Variants in ANKFN1 observed in about 807,000 individuals in gnomAD.
ANKFN1 encodes the protein ankyrin repeat and fibronectin type-III domain-containing protein 1.
In ANKFN1, 74 loss-of-function variants were observed where a neutral mutation model predicts 108.7. The ratio of observed to expected loss-of-function variants is 0.68; its 90% CI spans 0.56 to 0.83. The LOEUF (loss-of-function observed/expected upper bound fraction) is 0.83. Ranked by LOEUF, ANKFN1 falls within the 40% of genes least tolerant of loss-of-function variation. The pLI, the probability that ANKFN1 is intolerant of heterozygous loss-of-function variation, is 0.00. For synonymous variants in ANKFN1, 547 were observed against 516.2 expected, an observed-to-expected ratio of 1.06 and a Z score of -0.81; for missense variants, 1,505 against 1,382.3, an observed-to-expected ratio of 1.09 and a Z score of -1.41.
intron 1 of ANKFN1, among the ~76,000 whole-genome samples, chr17:56,169,117 C>T (rs1217022560): frequency 2.0e-5 from 3 of 152,138 alleles, no homozygotes; most frequent in Admixed American, 6.5e-5. Flanking sequence ...CAGAAATCAT[C>T]TGAAGGCCTG....
intron 8 of ANKFN1, among the ~76,000 whole-genome samples, chr17:56,436,755 G>A (rs367919062): frequency 1.5e-4 from 23 of 151,802 alleles, no homozygotes; most frequent in East Asian, 3.9e-4. Context: ...ACTTGTACCC[G>A]GGAGGCGGAG....
chr17:56,157,645 A>G (rs1413292176), intron 1 of ANKFN1, among the ~76,000 whole-genome samples: 1 of 152,186 alleles, frequency 6.6e-6, no homozygotes, highest in African/African-American at 2.4e-5. Flanking sequence ...TGGATTTCCA[A>G]GTTCCCATTG....
intron 1 of ANKFN1, among the ~76,000 whole-genome samples, chr17:56,160,998 T>C (rs942867780): frequency 1.3e-5 from 2 of 152,186 alleles, no homozygotes; most frequent in Non-Finnish European, 2.9e-5. Context: ...GAGGGCTCTT[T>C]TGGCCTCTAA....
intron 8 of ANKFN1, among the ~76,000 whole-genome samples, chr17:56,428,098 G>A (rs540926771): frequency 3.9e-5 from 6 of 152,118 alleles, no homozygotes; most frequent in Admixed American, 3.9e-4. Flanking sequence ...GCCAGGCATG[G>A]TGGCGGGCAC....
At position 56,139,111 on chromosome 17, in the gene ANKFN1, G is replaced by A. The variant is rs757172510; in HGVS notation, c.289-88806G>A. Among the ~76,000 whole-genome samples, 7 of 151,970 alleles carry A rather than the reference G, an allele frequency of 4.6e-5. No individual in the cohort carries two copies. The East Asian group carries it at 5.8e-4, about 13-fold the overall frequency. On this transcript the variant is annotated intron_variant, in intron 4 of 12. Transcript: ENST00000635860. ...TCTAATTCCTTAAACCTAAATTTTCGTTAACATTTGTATGTTTTTATTTTA... is the reference window on the plus strand; with the variant it reads ...TCTAATTCCTTAAACCTAAATTTTCATTAACATTTGTATGTTTTTATTTTA...
chr17:56,432,528 A>G (rs2048792819), intron 8 of ANKFN1, among the ~76,000 whole-genome samples: 8 of 152,352 alleles, frequency 5.3e-5, no homozygotes, highest in African/African-American at 1.4e-4. Flanking sequence ...CCTGCCATCC[A>G]TAAGAACAGC....
At chr17:56,119,699 C>T (rs1295146638) in intron 4 of ANKFN1, among the ~76,000 whole-genome samples, 1 of 152,054 alleles carries the variant, frequency 6.6e-6, no homozygotes, top group Non-Finnish European at 1.5e-5. Context: ...ATTAATTTTG[C>T]CTGCACCTTT....
chr17:56,488,568 G>T (rs2050929343), intron 18 of ANKFN1, among the ~76,000 whole-genome samples: 1 of 152,182 alleles, frequency 6.6e-6, no homozygotes, highest in South Asian at 2.1e-4. Flanking sequence ...GCAAGAAATG[G>T]CATAGTGTCA....
chr17:56,186,343 C>T (rs1282545619), intron 1 of ANKFN1, among the ~76,000 whole-genome samples: 1 of 96,104 alleles, frequency 1.0e-5, no homozygotes, highest in East Asian at 3.9e-4. Context: ...CATTATAGAA[C>T]TTATAAAGCC....
chr17:56,104,264 C>T (rs1279729931), intron 4 of ANKFN1, among the ~76,000 whole-genome samples: 3 of 152,230 alleles, frequency 2.0e-5, no homozygotes, highest in African/African-American at 7.2e-5. Flanking sequence ...TTGCAAAGCA[C>T]AAGGCATTCC....
At chr17:56,186,641 A>G (rs893460911) in intron 1 of ANKFN1, among the ~76,000 whole-genome samples, 2 of 152,212 alleles carry the variant, frequency 1.3e-5, no homozygotes, top group Admixed American at 6.5e-5. Flanking sequence ...CTCCCTAGCT[A>G]TCAGAGAAAT....
intron 8 of ANKFN1, among the ~76,000 whole-genome samples, chr17:56,403,993 C>A (rs552850362): frequency 6.6e-6 from 1 of 152,188 alleles, no homozygotes; most frequent in East Asian, 1.9e-4. Context: ...AGATAGGGCC[C>A]CTATTCCTTC....
intron 4 of ANKFN1, among the ~76,000 whole-genome samples, chr17:56,085,490 T>C (rs77005564): frequency 0.074 from 11,129 of 150,848 alleles, 820 homozygotes; most frequent in Admixed American, 0.15. Flanking sequence ...TCTGAGAGAG[T>C]ATGGCCCTAC....
At chr17:56,219,704 G>A (rs1475074373) in intron 2 of ANKFN1, among the ~76,000 whole-genome samples, 1 of 152,160 alleles carries the variant, frequency 6.6e-6, no homozygotes, top group East Asian at 1.9e-4. Context: ...ATCTGGGATT[G>A]GCATGGAAAT....
chr17:56,273,797 C>T (rs370836961), intron 3 of ANKFN1, among the ~76,000 whole-genome samples: 11 of 152,150 alleles, frequency 7.2e-5, no homozygotes, highest in African/African-American at 2.4e-4. Context: ...CATCTTTCAT[C>T]TTCAGAACTA....
Position 56,315,698 on chromosome 17 carries a change from C to T in ANKFN1, c.54-10523C>T, listed in dbSNP as rs2045183542. 2.0e-5 allele frequency among the ~76,000 whole-genome samples: 3 copies of T among 152,192 alleles called. No homozygotes were observed. In the South Asian group the frequency reaches 6.2e-4, roughly 32 times the overall value. ...AGAAAGCTCCTCTGAGCTTAGAAAG[C>T]TCCTCTACTCCTTAGAAAGTAGCCA... is the stretch of plus-strand genomic sequence containing the variant. On this transcript the variant is annotated intron_variant, in intron 3 of 20. Coordinates refer to ENST00000682825, the MANE Select transcript of ANKFN1 (RefSeq NM_001370326.1).
At chr17:56,491,927 T>C (rs954483997) in intron 18 of ANKFN1, among the ~76,000 whole-genome samples, 4 of 152,166 alleles carry the variant, frequency 2.6e-5, no homozygotes, top group South Asian at 2.1e-4. Flanking sequence ...TAGGGAAAAG[T>C]CCACATAACT....
At chr17:56,299,529 C>T (rs62073045) in intron 3 of ANKFN1, among the ~76,000 whole-genome samples, 17,241 of 152,158 alleles carry the variant, frequency 0.11, 1,064 homozygotes, top group African/African-American at 0.18. Context: ...CATTTGAATA[C>T]GACTTAGCTT....
intron 8 of ANKFN1, among the ~76,000 whole-genome samples, chr17:56,375,788 T>C (rs2046931741): frequency 6.6e-6 from 1 of 152,220 alleles, no homozygotes; most frequent in Non-Finnish European, 1.5e-5. Flanking sequence ...GCACCGACTA[T>C]GCACCAGGCA....
Sources: allele counts gnomAD v4.1 joint callset (sites outside exome capture counted in the v4.1 genomes callset), GRCh38; gene constraint gnomAD v4.1.1; transcripts MANE v1.5; gene names NCBI Gene and HGNC (gene_info 2026-07-23, HGNC 2026-07-21).